The following IL12A variants were observed in gnomAD, a reference collection of about 807,000 sequenced individuals.
The protein encoded by IL12A is interleukin-12 subunit alpha.
IL12A carries 16 observed loss-of-function variants against 23.5 expected under a neutral mutation model. The ratio of observed to expected loss-of-function variants is 0.68; its 90% CI spans 0.46 to 1.03. The LOEUF (loss-of-function observed/expected upper bound fraction) is 1.03. IL12A is among the 50% of genes least tolerant of loss of function. IL12A has a pLI of 0.00. For missense variants in IL12A, 275 were observed against 307.0 expected, an observed-to-expected ratio of 0.90 and a Z score of 0.78; for synonymous variants, 106 against 111.5, an observed-to-expected ratio of 0.95 and a Z score of 0.31.
rs371345224 is a variant in IL12A, at chr3:159,990,265, C to T, written c.217C>T (p.His73Tyr). The T allele has an allele frequency of 6.2e-7, 1 of 1,614,036 alleles. No individual in the cohort carries two copies. Among genetic ancestry groups the T allele is most frequent in the Non-Finnish European group, 8.5e-7 (1 of 1,180,034 alleles). Residue 73 changes from histidine (H) to tyrosine (Y), a missense_variant, in exon 2 of 7, where the codon CAC becomes TAC. His to Tyr is a moderately conservative substitution (Grantham distance 83, BLOSUM62 2). Coordinates refer to ENST00000305579, the MANE Select transcript of IL12A (RefSeq NM_000882.4). Reference sequence around the variant, plus strand: ...AGACCCAGGAATGTTCCCATGCCTTCACCACTCCCAAAACCTGCTGAGGGC... The same window carrying T: ...AGACCCAGGAATGTTCCCATGCCTTTACCACTCCCAAAACCTGCTGAGGGC...
In IL12A at chr3:159,990,156, C is replaced by G. The variant is rs374303113; in HGVS notation, c.119-11C>G. 9 of 1,613,650 alleles carry G rather than the reference C, an allele frequency of 5.6e-6. No homozygotes were observed. The African/African-American group carries it at 9.3e-5, about 17-fold the overall frequency. ...GGCTGAAGCTCCTCCACCTGCTCCTCTTCCTTCCAGGCCTCCTCCTTGTGG... is the reference window on the plus strand; with the variant it reads ...GGCTGAAGCTCCTCCACCTGCTCCTGTTCCTTCCAGGCCTCCTCCTTGTGG... On this transcript the variant is annotated splice_polypyrimidine_tract_variant and intron_variant, in intron 1 of 6. Transcript: ENST00000305579.
chr3:159,994,111 CA>C, intron 6 of IL12A: 1 of 385,320 alleles, frequency 2.6e-6, no homozygotes, highest in Non-Finnish European at 4.8e-6. Context: ...ATGTCAGCCT[CA>C]AAACAACCAT....
In IL12A at chr3:159,990,282, G is replaced by C. The variant is rs1461510510; in HGVS notation, c.234G>C (p.Leu78=). 1 of 1,614,110 alleles carries C rather than the reference G, an allele frequency of 6.2e-7. No homozygotes were observed. The highest frequency in any genetic ancestry group is 1.1e-5 in the South Asian group (1 of 91,078). ...CATGCCTTCACCACTCCCAAAACCTGCTGAGGGCCGTCAGCAACATGCTCC... is the reference window on the plus strand; with the variant it reads ...CATGCCTTCACCACTCCCAAAACCTCCTGAGGGCCGTCAGCAACATGCTCC... Residue 78 remains leucine, a synonymous_variant, in exon 2 of 7, where the codon CTG becomes CTC. Coordinates refer to ENST00000305579, the MANE Select transcript of IL12A (RefSeq NM_000882.4).
At chr3:159,993,242 C>T in intron 3 of IL12A, 117 bp downstream of exon 3, 1 of 746,852 alleles carries the variant, frequency 1.3e-6, no homozygotes, top group South Asian at 1.8e-5. Context: ...TTAACTGGTC[C>T]TACTTCAGAA....
chr3:159,993,536 T>C (rs773938409), intron 4 of IL12A, 32 bp from the exon 5 acceptor site: 2 of 1,613,978 alleles, frequency 1.2e-6, no homozygotes, highest in African/African-American at 1.3e-5. Flanking sequence ...GATGAATTCA[T>C]ATCACTGATG....
At position 159,995,863 on chromosome 3, in the gene IL12A, T is replaced by C. The variant is rs1380113200; in HGVS notation, c.*304T>C. The C allele has an allele frequency of 5.6e-6, 1 of 178,550 alleles. No homozygotes were observed. Among genetic ancestry groups the C allele is most frequent in the Non-Finnish European group, 1.2e-5 (1 of 85,608 alleles). The allele number at this position is 178,550 out of a possible 1,614,324, so 11.1% of individuals were successfully genotyped here. Reference sequence around the variant, plus strand: ...GTTTGTGGAAACAAACATGTAAGCATAACTTATTTTAAAATATTTATTTAT... The same window carrying C: ...GTTTGTGGAAACAAACATGTAAGCACAACTTATTTTAAAATATTTATTTAT... On this transcript the variant is annotated 3_prime_UTR_variant, in exon 7 of 7. Coordinates refer to ENST00000305579, the MANE Select transcript of IL12A (RefSeq NM_000882.4).
intron 6 of IL12A, chr3:159,994,160 GAGTTAAA>G: frequency 4.3e-6 from 1 of 234,508 alleles, no homozygotes; most frequent in Non-Finnish European, 8.5e-6. Context: ...AACCTTAGGA[GAGTTAAA>G]CCACTTGTCT....
intron 2 of IL12A, among the ~76,000 whole-genome samples, chr3:159,991,811 T>C (rs1280198062): frequency 6.6e-6 from 1 of 152,218 alleles, no homozygotes; most frequent in African/African-American, 2.4e-5. Flanking sequence ...CCCCTTCCAT[T>C]GTCCATACCA....
intron 2 of IL12A, among the ~76,000 whole-genome samples, chr3:159,991,777 C>T (rs1720323421): frequency 6.6e-6 from 1 of 152,328 alleles, no homozygotes; most frequent in East Asian, 1.9e-4. Context: ...GGTCTAGAGG[C>T]TGCCCACATT....
rs758664036 is a variant in IL12A at position 159,993,599 on chromosome 3, C to G, written c.452C>G (p.Ser151Cys). ...AGTTGCCTGGCCTCCAGAAAGACCT[C>G]TTTTATGATGGTAAGACACACAGCT... The change falls in exon 5 of 7, where the codon TCT (serine) becomes TGT (cysteine). Residue 151 changes from serine (S) to cysteine (C), a missense_variant. Coordinates refer to ENST00000305579, the MANE Select transcript of IL12A (RefSeq NM_000882.4). 1 of 1,614,132 alleles carries G rather than the reference C, an allele frequency of 6.2e-7. No individual in the cohort carries two copies. The highest frequency in any genetic ancestry group is 8.5e-7 in the Non-Finnish European group (1 of 1,180,026).
chr3:159,990,725 T>C (rs1481211352), intron 2 of IL12A, among the ~76,000 whole-genome samples: 1 of 152,168 alleles, frequency 6.6e-6, no homozygotes, highest in Non-Finnish European at 1.5e-5. Flanking sequence ...AATAGCCTTG[T>C]CCCTCCTGCT....
Position 159,993,582 on chromosome 3 carries a change from G to C in IL12A, c.435G>C (p.Leu145=). 1.2e-6 allele frequency: 2 copies of C among 1,614,060 alleles called. No homozygotes were observed. Among genetic ancestry groups the C allele is most frequent in the Non-Finnish European group, 1.7e-6 (2 of 1,179,976 alleles). ...TTTTCCTCTAGAATGGGAGTTGCCT[G>C]GCCTCCAGAAAGACCTCTTTTATGA... The change falls in exon 5 of 7, where the codon CTG becomes CTC. Residue 145 remains leucine (L), a synonymous_variant. Coordinates refer to ENST00000305579, the MANE Select transcript of IL12A (RefSeq NM_000882.4).
At chr3:159,994,723 G>T (rs1720438164) in intron 6 of IL12A, among the ~76,000 whole-genome samples, 1 of 152,010 alleles carries the variant, frequency 6.6e-6, no homozygotes, top group African/African-American at 2.4e-5. Context: ...AGGACCAAGA[G>T]TTGGGTGATT....
chr3:159,994,489 G>A (rs1288918588), intron 6 of IL12A, among the ~76,000 whole-genome samples: 1 of 152,086 alleles, frequency 6.6e-6, no homozygotes, highest in African/African-American at 2.4e-5. Context: ...ATATAAGCGA[G>A]GGTGACTGCT....
intron 2 of IL12A, among the ~76,000 whole-genome samples, chr3:159,991,483 A>T (rs1004049571): frequency 3.3e-5 from 5 of 152,234 alleles, no homozygotes; most frequent in African/African-American, 9.6e-5. Flanking sequence ...TCTTGAAAAG[A>T]TCTGAAGAAC....
At position 159,995,729 on chromosome 3, in the gene IL12A, T is replaced by G. The variant is rs982512290; in HGVS notation, c.*170T>G. ...ACATTTACTGTGGATAAATTGTTTTTAAGTTTTCATGAATGAATTGCTAAG... is the reference window on the plus strand; with the variant it reads ...ACATTTACTGTGGATAAATTGTTTTGAAGTTTTCATGAATGAATTGCTAAG... On this transcript the variant is annotated 3_prime_UTR_variant, in exon 7 of 7. Coordinates refer to ENST00000305579, the MANE Select transcript of IL12A (RefSeq NM_000882.4). The G allele has an allele frequency of 2.3e-6, 1 of 442,246 alleles. No individual in the cohort carries two copies. Among genetic ancestry groups the G allele is most frequent in the African/African-American group, 2.0e-5 (1 of 49,378 alleles). 27.4% of individuals were successfully genotyped at this position (442,246 alleles called of 1,614,324 possible).
At position 159,988,937 on chromosome 3, in the gene IL12A, G is replaced by T. The variant is rs1309227193; in HGVS notation, c.-120G>T. 2.3e-6 allele frequency: 2 copies of T among 853,472 alleles called. No homozygotes were observed. The highest frequency in any genetic ancestry group is 5.4e-5 in the East Asian group (2 of 37,302). 52.9% of individuals were successfully genotyped at this position (853,472 alleles called of 1,614,324 possible). ...AATCCGAAAGCGCCGCAAGCCCCGC[G>T]GGCCGGCCGCACCGCACGTGTCACC... On this transcript the variant is annotated 5_prime_UTR_variant, in exon 1 of 7. Coordinates refer to ENST00000305579, the MANE Select transcript of IL12A (RefSeq NM_000882.4).
chr3:159,989,740 G>A (rs1215103471), intron 1 of IL12A, among the ~76,000 whole-genome samples: 1 of 152,154 alleles, frequency 6.6e-6, no homozygotes, highest in African/African-American at 2.4e-5. Flanking sequence ...CCAAAATCGT[G>A]CCACTGCACT....
At chr3:159,994,928 C>A (rs1009638710) in intron 6 of IL12A, among the ~76,000 whole-genome samples, 10 of 152,158 alleles carry the variant, frequency 6.6e-5, no homozygotes, top group African/African-American at 2.2e-4. Flanking sequence ...GTTATCAAAT[C>A]AAAGTGCTAA....
Sources: allele counts gnomAD v4.1 joint callset (sites outside exome capture counted in the v4.1 genomes callset), GRCh38; gene constraint gnomAD v4.1.1; transcripts MANE v1.5; gene names NCBI Gene and HGNC (gene_info 2026-07-23, HGNC 2026-07-21).